The following ANKS3 variants were observed in gnomAD, a reference collection of about 807,000 sequenced individuals.
ANKS3 encodes ankyrin repeat and SAM domain-containing protein 3.
ANKS3 carries 62 observed loss-of-function variants against 80.7 expected under a neutral mutation model. That is an observed-to-expected ratio of 0.77 (90% CI 0.63 to 0.95). ANKS3 has a LOEUF of 0.95. ANKS3 is among the 40% of genes least tolerant of loss of function. The probability of loss-of-function intolerance (pLI) is 0.00; values close to 1 mark genes in which losing one functional copy is unlikely to be tolerated. For synonymous variants in ANKS3, 489 were observed against 355.3 expected (o/e 1.38, Z -4.23); for missense variants, 1,150 against 883.6 (o/e 1.30, Z -3.82).
rs1316258019 is a variant in ANKS3, at chr16:4,698,349, G to A, written c.1724+78C>T. The A allele has an allele frequency of 3.5e-6, 5 of 1,427,560 alleles. No homozygotes were observed. The African/African-American group carries it at 7.2e-5, about 21-fold the overall frequency. The allele number at this position is 1,427,560 out of a possible 1,614,324, so 88.4% of individuals were successfully genotyped here. A position where few individuals can be genotyped will look rare whatever the true frequency, so the allele number is the denominator to read the frequency against. The stretch of plus-strand genomic sequence containing the variant: ...CCACCCCTCAGTTACAAAATCAGGA[G>A]GAAAGGATGTGTGGGGGCCCAGGGG... On this transcript the variant is annotated intron_variant, in intron 14 of 17. Coordinates refer to ENST00000304283, the MANE Select transcript of ANKS3 (RefSeq NM_133450.4).
chr16:4,715,199 G>C (rs561661288), intron 6 of ANKS3, among the ~76,000 whole-genome samples: 1 of 151,876 alleles, frequency 6.6e-6, no homozygotes, highest in African/African-American at 2.4e-5. Flanking sequence ...CCCAGCATTT[G>C]ACAGGCCAAG....
rs540206920 is a variant in ANKS3 at position 4,721,178 on chromosome 16, G to A, written c.573+3572C>T. The stretch of plus-strand genomic sequence containing the variant: ...AAATTAGCTGGGCATGGTGGCGGGC[G>A]CCTGTGGTCCCAGCTACTCGGGAGG... On this transcript the variant is annotated intron_variant, in intron 6 of 17. Transcript: ENST00000304283. 2.9e-3 allele frequency among the ~76,000 whole-genome samples: 444 copies of A among 150,604 alleles called. 5 individuals are homozygous for A. Among genetic ancestry groups the A allele is most frequent in the African/African-American group, 0.01 (417 of 41,308 alleles).
At chr16:4,708,583 C>T (rs1306787856) in intron 7 of ANKS3, among the ~76,000 whole-genome samples, 3 of 152,016 alleles carry the variant, frequency 2.0e-5, no homozygotes, top group African/African-American at 4.8e-5. Context: ...AATCAAAATC[C>T]GATGGGTTTT....
chr16:4,727,258 AG>A, intron 3 of ANKS3, 81 bp from the exon 4 acceptor site: 1 of 1,435,980 alleles, frequency 7.0e-7, no homozygotes. Context: ...AGGCTAGGCC[AG>A]GCGGGATGAG....
chr16:4,732,138 G>A (rs1467676923), intron 1 of ANKS3, among the ~76,000 whole-genome samples: 1 of 152,068 alleles, frequency 6.6e-6, no homozygotes, highest in Non-Finnish European at 1.5e-5. Context: ...TGTAGGTGCG[G>A]TGGGGCAAGC....
chr16:4,708,590 T>G (rs1365075495), intron 7 of ANKS3, among the ~76,000 whole-genome samples: 1 of 151,754 alleles, frequency 6.6e-6, no homozygotes, highest in African/African-American at 2.4e-5. Context: ...ATCCGATGGG[T>G]TTTTCTTGTT....
chr16:4,706,954 G>A (rs986841000), intron 7 of ANKS3, among the ~76,000 whole-genome samples: 1 of 152,178 alleles, frequency 6.6e-6, no homozygotes, highest in Non-Finnish European at 1.5e-5. Context: ...CCCTGAACGT[G>A]GGCCACTCTG....
chr16:4,701,212 G>C, intron 10 of ANKS3, 78 bp from the exon 11 acceptor site: 1 of 1,597,638 alleles, frequency 6.3e-7, no homozygotes. Context: ...CCGCCACACA[G>C]GGGCTTGAGA....
At chr16:4,725,536 TAGAA>T (rs951543008) in intron 5 of ANKS3, among the ~76,000 whole-genome samples, 2 of 152,338 alleles carry the variant, frequency 1.3e-5, no homozygotes, top group Admixed American at 1.3e-4. Flanking sequence ...TCAGGTGTCT[TAGAA>T]TGAATGACAG....
At chr16:4,729,003 G>C (rs936586100) in intron 3 of ANKS3, among the ~76,000 whole-genome samples, 1 of 152,174 alleles carries the variant, frequency 6.6e-6, no homozygotes, top group African/African-American at 2.4e-5. Context: ...GAGGCACGCA[G>C]AGAGAGGAAG....
chr16:4,711,004 G>A (rs1213925772), intron 7 of ANKS3, among the ~76,000 whole-genome samples: 1 of 151,506 alleles, frequency 6.6e-6, no homozygotes. Context: ...GGCCAGGCTG[G>A]TCTTGAACTC....
chr16:4,723,479 G>T (rs1188182314), intron 6 of ANKS3, among the ~76,000 whole-genome samples: 5 of 152,138 alleles, frequency 3.3e-5, no homozygotes, highest in Admixed American at 6.6e-5. Context: ...ATGGAGTGTG[G>T]CGGCGCAATC....
Position 4,697,387 on chromosome 16 carries a change from C to A in ANKS3, c.1840G>T (p.Ala614Ser). The A allele has an allele frequency of 6.2e-7, 1 of 1,609,676 alleles. No individual in the cohort carries two copies. The highest frequency in any genetic ancestry group is 1.3e-5 in the African/African-American group (1 of 74,962). The stretch of plus-strand genomic sequence containing the variant: ...CCCGAGAGCTCGGGGAGGCTCATGG[C>A]CTGCAGGGACGCTTGCCAGCCCTTG... Reference protein sequence around the residue: ...DSKGWQASLQAMSLPELSGAL... With the variant: ...DSKGWQASLQSMSLPELSGAL... Residue 614 changes from alanine (A) to serine (S), a missense_variant, in exon 16 of 18, where the codon GCC (alanine) becomes TCC (serine). Coordinates refer to ENST00000304283, the MANE Select transcript of ANKS3 (RefSeq NM_133450.4).
chr16:4,703,203 CCT>C (rs2080012048), intron 8 of ANKS3, among the ~76,000 whole-genome samples: 1 of 152,192 alleles, frequency 6.6e-6, no homozygotes, highest in Admixed American at 6.5e-5. Context: ...GCCTTGACCT[CCT>C]GGGCTCAAGC....
intron 7 of ANKS3, among the ~76,000 whole-genome samples, chr16:4,712,883 G>T (rs1327305117): frequency 1.3e-5 from 2 of 152,100 alleles, no homozygotes; most frequent in African/African-American, 4.8e-5. Context: ...GATACTTAAA[G>T]ATTATATGTT....
intron 3 of ANKS3, among the ~76,000 whole-genome samples, chr16:4,729,038 A>C (rs1274516993): frequency 1.3e-5 from 2 of 152,170 alleles, no homozygotes; most frequent in African/African-American, 2.4e-5. Flanking sequence ...CACAATATCA[A>C]ATGAGAACCA....
At chr16:4,720,434 C>A (rs148283485) in intron 6 of ANKS3, among the ~76,000 whole-genome samples, 2,938 of 149,912 alleles carry the variant, frequency 0.02, 126 homozygotes, top group Non-Finnish European at 0.031. Context: ...TGCACTCCAG[C>A]CTGGGTGACA....
Position 4,724,835 on chromosome 16 carries a change from C to A in ANKS3, c.492-4G>T, listed in dbSNP as rs2081276029. 2 of 1,613,576 alleles carry A rather than the reference C, an allele frequency of 1.2e-6. No individual in the cohort carries two copies. The highest frequency in any genetic ancestry group is 1.7e-5 in the Admixed American group (1 of 59,918). ...AGTAAATCCACATATCGGCTCCCTG[C>A]AAGATGTGGGCCACAGTCAGATGAT... On this transcript the variant is annotated splice_polypyrimidine_tract_variant and splice_region_variant and intron_variant, in intron 5 of 17. Transcript: ENST00000304283.
intron 6 of ANKS3, among the ~76,000 whole-genome samples, chr16:4,716,585 C>CTATT (rs1265615353): frequency 1.3e-4 from 19 of 151,988 alleles, no homozygotes; most frequent in Non-Finnish European, 2.8e-4. Context: ...CTACTTTTGA[C>CTATT]TCTGATTAAA....
Sources: allele counts gnomAD v4.1 joint callset (sites outside exome capture counted in the v4.1 genomes callset), GRCh38; gene constraint gnomAD v4.1.1; transcripts MANE v1.5; gene names NCBI Gene and HGNC (gene_info 2026-07-23, HGNC 2026-07-21).